FANCC: variants seen among roughly 807,000 people sequenced by gnomAD.
FANCC encodes the protein Fanconi anemia group C protein.
Under a neutral mutation model 71.3 loss-of-function variants are expected in FANCC, and 55 were observed. That is an observed-to-expected ratio of 0.77 (90% confidence interval 0.62 to 0.97). The LOEUF (loss-of-function observed/expected upper bound fraction) is 0.97. Ranked by LOEUF, FANCC falls within the 50% of genes least tolerant of loss-of-function variation. FANCC has a pLI of 0.00. For synonymous variants in FANCC, 275 were observed against 244.9 expected (o/e 1.12, Z -1.15); for missense variants, 678 against 670.9 (o/e 1.01, Z -0.12).
At chr9:95,161,616 A>G (rs1830751696) in intron 6 of FANCC, among the ~76,000 whole-genome samples, 1 of 152,194 alleles carries the variant, frequency 6.6e-6, no homozygotes, top group Non-Finnish European at 1.5e-5. Flanking sequence ...CTCATAGACC[A>G]GTTTTAAATT....
intron 13 of FANCC, chr9:95,110,873 G>C: frequency 8.3e-7 from 1 of 1,203,106 alleles, no homozygotes; most frequent in Non-Finnish European, 1.0e-6. Context: ...CTTTGCCACA[G>C]ACAGTTATCC....
rs543209045 is a variant in FANCC at position 95,166,051 on chromosome 9, A to G, written c.521+5028T>C. 1.2e-4 allele frequency among the ~76,000 whole-genome samples: 18 copies of G among 152,140 alleles called. 1 individual carries two copies. Among genetic ancestry groups the G allele is most frequent in the Middle Eastern group, 6.8e-3 (2 of 294 alleles). ...TCTTTGTCTCTTTTGATAGTTTGATATAAGTATGGCTATGCCTGCTCTATT... is the reference window on the plus strand; with the variant it reads ...TCTTTGTCTCTTTTGATAGTTTGATGTAAGTATGGCTATGCCTGCTCTATT... On this transcript the variant is annotated intron_variant, in intron 6 of 14. Transcript: ENST00000289081.
At chr9:95,216,367 T>C (rs527479338) in intron 4 of FANCC, among the ~76,000 whole-genome samples, 3 of 152,220 alleles carry the variant, frequency 2.0e-5, no homozygotes, top group East Asian at 3.9e-4. Context: ...GAATTGAAAA[T>C]AGCAATTAAT....
At chr9:95,183,272 T>C (rs1826489828) in intron 4 of FANCC, among the ~76,000 whole-genome samples, 1 of 152,254 alleles carries the variant, frequency 6.6e-6, no homozygotes, top group South Asian at 2.1e-4. Context: ...TTTCTCTCCC[T>C]GCACCTTCCA....
At chr9:95,227,565 T>C (rs1338666594) in intron 4 of FANCC, among the ~76,000 whole-genome samples, 1 of 152,214 alleles carries the variant, frequency 6.6e-6, no homozygotes, top group Non-Finnish European at 1.5e-5. Context: ...CCACTCCCAC[T>C]TCTCCAACAT....
intron 1 of FANCC, chr9:95,293,158 G>A (rs1188980638): frequency 6.2e-7 from 1 of 1,613,020 alleles, no homozygotes. Context: ...AGACTCTTGT[G>A]GCTCTAACAC....
At chr9:95,115,635 C>T (rs561504779) in intron 11 of FANCC, among the ~76,000 whole-genome samples, 1 of 152,338 alleles carries the variant, frequency 6.6e-6, no homozygotes, top group African/African-American at 2.4e-5. Flanking sequence ...TGTGCAGCAT[C>T]TGCAAAAGTT....
At chr9:95,317,154 C>T (rs1366436208) in intron 1 of FANCC, 1 of 152,468 alleles carries the variant, frequency 6.6e-6, no homozygotes, top group Non-Finnish European at 1.5e-5. Flanking sequence ...TTGAAGAAGA[C>T]ATAGCTGCCT....
intron 8 of FANCC, chr9:95,126,802 T>C (rs1826052462): frequency 1.9e-6 from 1 of 534,070 alleles, no homozygotes; most frequent in Admixed American, 3.1e-5. Flanking sequence ...TATTCCTCTG[T>C]ATACTCCTGT....
intron 1 of FANCC, among the ~76,000 whole-genome samples, chr9:95,279,215 G>A (rs1833228292): frequency 6.6e-6 from 1 of 151,962 alleles, no homozygotes; most frequent in African/African-American, 2.4e-5. Flanking sequence ...TCACTCAGGA[G>A]GCTGAACCAT....
chr9:95,196,929 G>A (rs1206505051), intron 4 of FANCC, among the ~76,000 whole-genome samples: 1 of 152,156 alleles, frequency 6.6e-6, no homozygotes, highest in East Asian at 1.9e-4. Flanking sequence ...CTCACCTCCT[G>A]TGGCCTCTAC....
chr9:95,170,637 C>CGTGTGTGTGTGTGTGTGT (rs3992109), intron 6 of FANCC, among the ~76,000 whole-genome samples: 2,134 of 124,266 alleles, frequency 0.017, 79 homozygotes, highest in Non-Finnish European at 0.024. Context: ...TTGTAAATAT[C>CGTGTGTGTGTGTGTGTGT]GTGTGTGTGT....
intron 1 of FANCC, among the ~76,000 whole-genome samples, chr9:95,271,419 G>A (rs1299934428): frequency 4.0e-5 from 6 of 150,240 alleles, no homozygotes; most frequent in African/African-American, 7.3e-5. Context: ...GAGCAAGTTG[G>A]AGACAGACAC....
At chr9:95,243,685 T>C (rs1588342892) in intron 3 of FANCC, among the ~76,000 whole-genome samples, 1 of 151,242 alleles carries the variant, frequency 6.6e-6, no homozygotes, top group Non-Finnish European at 1.5e-5. Flanking sequence ...TCCCAGCTAC[T>C]TGGTAGGCTG....
chr9:95,219,394 C>A (rs113763082), intron 4 of FANCC, among the ~76,000 whole-genome samples: 1 of 152,120 alleles, frequency 6.6e-6, no homozygotes, highest in Admixed American at 6.6e-5. Flanking sequence ...AGACCTTAGG[C>A]CTTTACACTG....
intron 8 of FANCC, among the ~76,000 whole-genome samples, chr9:95,133,112 C>A (rs1305950821): frequency 5.3e-5 from 8 of 152,192 alleles, no homozygotes; most frequent in African/African-American, 9.7e-5. Flanking sequence ...TACTGCACTG[C>A]GATAAATGAA....
intron 1 of FANCC, among the ~76,000 whole-genome samples, chr9:95,272,908 G>A (rs1046238497): frequency 1.3e-5 from 2 of 152,036 alleles, no homozygotes; most frequent in African/African-American, 2.4e-5. Flanking sequence ...GCTAGAAATC[G>A]GTGATCAGCA....
At chr9:95,252,744 C>CA (rs34174200) in intron 1 of FANCC, among the ~76,000 whole-genome samples, 2,689 of 54,610 alleles carry the variant, frequency 0.049, 92 homozygotes, top group East Asian at 0.22. Flanking sequence ...GACTCTGTCT[C>CA]AAAAAAAAAA....
At chr9:95,213,102 C>T (rs1828611306) in intron 4 of FANCC, among the ~76,000 whole-genome samples, 1 of 152,082 alleles carries the variant, frequency 6.6e-6, no homozygotes, top group South Asian at 2.1e-4. Context: ...CTACATGTTG[C>T]AATGATATTT....
Sources: gnomAD v4.1 joint callset for allele counts (sites outside exome capture counted in the v4.1 genomes callset) on GRCh38, gnomAD v4.1.1 for gene constraint, MANE v1.5 for transcripts, NCBI Gene and HGNC (gene_info 2026-07-23, HGNC 2026-07-21) for gene names.